Variants in SLC9A9 observed in about 807,000 individuals in gnomAD.
SLC9A9 encodes solute carrier family 9 member A9.
Under a neutral mutation model 77.8 loss-of-function variants are expected in SLC9A9, and 62 were observed. The observed-to-expected ratio is 0.80, with a 90% CI of 0.65 to 0.98. The LOEUF (loss-of-function observed/expected upper bound fraction) is 0.98. SLC9A9 is among the 50% of genes least tolerant of loss of function. SLC9A9 has a pLI of 0.00. For missense variants in SLC9A9, 775 were observed against 774.9 expected, an observed-to-expected ratio of 1.00 and a Z score of 0.00; for synonymous variants, 320 against 283.5, an observed-to-expected ratio of 1.13 and a Z score of -1.29.
chr3:143,278,417 G>GAGAT (rs1401899289), intron 14 of SLC9A9, among the ~76,000 whole-genome samples: 1 of 152,104 alleles, frequency 6.6e-6, no homozygotes. Context: ...TAATTATTTG[G>GAGAT]AGATTGTAAT....
chr3:143,569,775 A>G lies in SLC9A9; in HGVS notation c.1000+4313T>C, dbSNP rs73146795. 7.1e-3 allele frequency among the ~76,000 whole-genome samples: 1,073 copies of G among 151,292 alleles called. 4 individuals are homozygous for G. The highest frequency in any genetic ancestry group is 0.012 in the Non-Finnish European group (786 of 67,738). On this transcript the variant is annotated intron_variant, in intron 8 of 15. Coordinates refer to ENST00000316549, the MANE Select transcript of SLC9A9 (RefSeq NM_173653.4). ...AAATTGGAGAATATTTATGGCCTAT[A>G]TGACAGTCAAAAGGTTAATTTTCTT...
chr3:143,552,283 CT>C (rs2036902735), intron 9 of SLC9A9, 78 bp downstream of exon 9: 1 of 1,009,290 alleles, frequency 9.9e-7, no homozygotes, highest in African/African-American at 1.6e-5. Flanking sequence ...GAAACTCTTT[CT>C]GACTATACTG....
intron 15 of SLC9A9, among the ~76,000 whole-genome samples, chr3:143,268,455 C>T (rs540660867): frequency 2.2e-4 from 34 of 152,228 alleles, no homozygotes; most frequent in African/African-American, 5.8e-4. Context: ...CTCCTCAGGC[C>T]GGGCACGGTG....
At chr3:143,682,716 C>T (rs979849200) in intron 5 of SLC9A9, among the ~76,000 whole-genome samples, 1 of 152,150 alleles carries the variant, frequency 6.6e-6, no homozygotes, top group Non-Finnish European at 1.5e-5. Context: ...AGTTTCTTTG[C>T]CCTTTCCAAC....
At chr3:143,370,436 G>C (rs1338201904) in intron 13 of SLC9A9, among the ~76,000 whole-genome samples, 1 of 152,172 alleles carries the variant, frequency 6.6e-6, no homozygotes, top group Non-Finnish European at 1.5e-5. Context: ...CCAACTTAGA[G>C]AGAGGAGGAA....
At chr3:143,759,143 G>A (rs995756600) in intron 4 of SLC9A9, among the ~76,000 whole-genome samples, 4 of 152,086 alleles carry the variant, frequency 2.6e-5, no homozygotes, top group African/African-American at 9.7e-5. Flanking sequence ...GGATTTACAT[G>A]AAATTATCTG....
intron 4 of SLC9A9, among the ~76,000 whole-genome samples, chr3:143,759,554 T>C (rs1246909760): frequency 1.3e-5 from 2 of 152,056 alleles, no homozygotes; most frequent in Non-Finnish European, 2.9e-5. Context: ...CTCTAAATAC[T>C]TGATGGGTGT....
chr3:143,447,298 G>T (rs542352215), intron 12 of SLC9A9, among the ~76,000 whole-genome samples: 2 of 152,082 alleles, frequency 1.3e-5, no homozygotes, highest in Non-Finnish European at 2.9e-5. Context: ...AAAATTCCTA[G>T]CCAAATGTTT....
At chr3:143,658,635 T>A (rs1407646677) in intron 5 of SLC9A9, among the ~76,000 whole-genome samples, 1 of 149,908 alleles carries the variant, frequency 6.7e-6, no homozygotes, top group East Asian at 2.0e-4. Context: ...TATGGGTGCA[T>A]GATAAAAACA....
intron 4 of SLC9A9, among the ~76,000 whole-genome samples, chr3:143,734,680 G>C (rs1348454496): frequency 6.9e-6 from 1 of 145,674 alleles, no homozygotes; most frequent in African/African-American, 2.6e-5. Context: ...GTTGCAGTGA[G>C]CCAAGATCCC....
chr3:143,790,832 A>G (rs983993624), intron 4 of SLC9A9, among the ~76,000 whole-genome samples: 1 of 152,214 alleles, frequency 6.6e-6, no homozygotes, highest in Non-Finnish European at 1.5e-5. Context: ...CTGATCATTC[A>G]ATGTCCCTTT....
intron 13 of SLC9A9, among the ~76,000 whole-genome samples, chr3:143,378,537 A>G (rs998577585): frequency 1.3e-5 from 2 of 152,258 alleles, no homozygotes; most frequent in African/African-American, 2.4e-5. Flanking sequence ...GAGTACGATC[A>G]AATGGCAAAA....
intron 4 of SLC9A9, among the ~76,000 whole-genome samples, chr3:143,703,027 T>C (rs1320837219): frequency 6.6e-6 from 1 of 151,970 alleles, no homozygotes; most frequent in Non-Finnish European, 1.5e-5. Context: ...ATATAATGAT[T>C]GTAAATATAT....
intron 4 of SLC9A9, among the ~76,000 whole-genome samples, chr3:143,709,246 C>G (rs1247004051): frequency 6.6e-6 from 1 of 152,006 alleles, no homozygotes; most frequent in Non-Finnish European, 1.5e-5. Context: ...AAGGCTGTAC[C>G]CCAGACCAAG....
chr3:143,673,480 G>A (rs1214088958), intron 5 of SLC9A9, among the ~76,000 whole-genome samples: 3 of 151,418 alleles, frequency 2.0e-5, no homozygotes, highest in Admixed American at 1.3e-4. Context: ...GAGAAGGAGT[G>A]GAACTGGTTT....
At chr3:143,335,361 T>C (rs1177842624) in intron 14 of SLC9A9, among the ~76,000 whole-genome samples, 1 of 152,176 alleles carries the variant, frequency 6.6e-6, no homozygotes, top group Non-Finnish European at 1.5e-5. Context: ...AAATGATGTA[T>C]AGATTCAATA....
chr3:143,756,301 A>G (rs1354306612), intron 4 of SLC9A9, among the ~76,000 whole-genome samples: 1 of 152,234 alleles, frequency 6.6e-6, no homozygotes, highest in African/African-American at 2.4e-5. Context: ...ACTAGGCTTT[A>G]TAAATCCTTG....
intron 6 of SLC9A9, among the ~76,000 whole-genome samples, chr3:143,606,641 A>T (rs9863063): frequency 0.31 from 46,260 of 150,724 alleles, 7,457 homozygotes; most frequent in African/African-American, 0.4. Context: ...GACTCTAGAC[A>T]ATTTGAAAAA....
intron 12 of SLC9A9, among the ~76,000 whole-genome samples, chr3:143,420,987 A>C (rs1033540173): frequency 1.3e-5 from 2 of 152,196 alleles, no homozygotes; most frequent in African/African-American, 2.4e-5. Flanking sequence ...TCTATACACC[A>C]ATAATGTCTA....
Sources: gnomAD v4.1 joint callset for allele counts (sites outside exome capture counted in the v4.1 genomes callset) on GRCh38, gnomAD v4.1.1 for gene constraint, MANE v1.5 for transcripts, NCBI Gene and HGNC (gene_info 2026-07-23, HGNC 2026-07-21) for gene names.